CACNA1B: variants seen among roughly 807,000 people sequenced by gnomAD.
CACNA1B encodes the protein calcium voltage-gated channel subunit alpha1 B, also known as voltage-dependent N-type calcium channel subunit alpha-1B.
CACNA1B carries 70 observed loss-of-function variants against 247.2 expected under a neutral mutation model. The observed-to-expected ratio is 0.28, with a 90% CI of 0.23 to 0.35. The LOEUF is 0.35. CACNA1B is among the 10% of genes least tolerant of loss of function. The probability of loss-of-function intolerance (pLI) is 1.00; values close to 1 mark genes in which losing one functional copy is unlikely to be tolerated. For missense variants in CACNA1B, 2,367 were observed against 3,197.4 expected (o/e 0.74, Z 6.26); for synonymous variants, 1,231 against 1,294.4 (o/e 0.95, Z 1.05).
intron 18 of CACNA1B, among the ~76,000 whole-genome samples, chr9:138,017,784 C>T (rs2133430318): frequency 6.6e-6 from 1 of 152,354 alleles, no homozygotes; most frequent in African/African-American, 2.4e-5. Flanking sequence ...GAGTGACTGG[C>T]TGGCATCCCC....
intron 42 of CACNA1B, among the ~76,000 whole-genome samples, chr9:138,116,703 T>C (rs952867518): frequency 3.3e-5 from 5 of 152,238 alleles, no homozygotes; most frequent in Non-Finnish European, 7.3e-5. Context: ...AGGGTATTTA[T>C]TGAGCCATTT....
chr9:138,015,087 C>T lies in CACNA1B; in HGVS notation c.2267+1852C>T, dbSNP rs147900363. On this transcript the variant is annotated intron_variant, in intron 18 of 46. Transcript: ENST00000371372. Reference sequence around the variant, plus strand: ...GGGGACCCCTAGGTGTTCTGCCTCACGGTGGGTCTGGAGCCAGGTGTCAGC... The same window carrying T: ...GGGGACCCCTAGGTGTTCTGCCTCATGGTGGGTCTGGAGCCAGGTGTCAGC... Among the ~76,000 whole-genome samples, 4 of 152,246 alleles carry T rather than the reference C, an allele frequency of 2.6e-5. No individual in the cohort carries two copies. The East Asian group carries it at 5.8e-4, about 22-fold the overall frequency.
intron 10 of CACNA1B, among the ~76,000 whole-genome samples, chr9:137,963,524 A>G (rs1958042576): frequency 1.3e-5 from 2 of 152,066 alleles, no homozygotes; most frequent in African/African-American, 2.4e-5. Context: ...CCTTCCAAGT[A>G]TCTCTGGGAC....
chr9:137,984,622 C>CCCA (rs1229406907), intron 13 of CACNA1B, among the ~76,000 whole-genome samples: 1 of 152,146 alleles, frequency 6.6e-6, no homozygotes, highest in Non-Finnish European at 1.5e-5. Flanking sequence ...TCATCCAGCC[C>CCCA]CCAAGTCTGC....
Position 138,124,491 on chromosome 9 carries a change from A to C in CACNA1B, c.*2492A>C, listed in dbSNP as rs1962198354. The stretch of plus-strand genomic sequence containing the variant: ...TACTTAAAAAGAAATTCTGTGATTG[A>C]CTAGTTTGCTGCCTGAGTCATATTT... On this transcript the variant is annotated 3_prime_UTR_variant, in exon 47 of 47. Coordinates refer to ENST00000371372, the MANE Select transcript of CACNA1B (RefSeq NM_000718.4). 6.6e-6 allele frequency: 1 copy of C among 151,632 alleles called. No homozygotes were observed. Among genetic ancestry groups the C allele is most frequent in the African/African-American group, 2.4e-5 (1 of 41,272 alleles). 9.4% of individuals were successfully genotyped at this position (151,632 alleles called of 1,614,324 possible).
rs201354531 is a variant in CACNA1B at position 138,121,480 on chromosome 9, C to T, written c.6501C>T (p.Ser2167=). Residue 2167 remains serine (S), a synonymous_variant, in exon 47 of 47, where the codon TCC becomes TCT. Coordinates refer to ENST00000371372, the MANE Select transcript of CACNA1B (RefSeq NM_000718.4). This position sits in a 1 kb window ranked among gnomAD's most constrained non-coding sequence, Gnocchi z 6.8. ...EPGPHPQGSG[S]VNGSPLLSTS... ...CCATTTTCATGTAGGGCAGTGGTTC[C>T]GTGAATGGGAGCCCCTTGCTGTCAA... 3.8e-5 allele frequency: 57 copies of T among 1,518,176 alleles called. No homozygotes were observed. The highest frequency in any genetic ancestry group is 2.4e-4 in the African/African-American group (17 of 71,602). The allele number at this position is 1,518,176 out of a possible 1,614,324, so 94.0% of individuals were successfully genotyped here.
chr9:138,032,734 G>A, intron 20 of CACNA1B: 1 of 452,746 alleles, frequency 2.2e-6, no homozygotes, highest in South Asian at 1.6e-5. Context: ...TTTCTGATGA[G>A]AAATCCACTG....
chr9:137,958,761 C>T (rs1383223021), intron 10 of CACNA1B, among the ~76,000 whole-genome samples: 1 of 152,126 alleles, frequency 6.6e-6, no homozygotes, highest in Non-Finnish European at 1.5e-5. Flanking sequence ...ACAGTACAGG[C>T]CAACCTTCGC....
intron 6 of CACNA1B, among the ~76,000 whole-genome samples, chr9:137,934,297 C>T (rs1957639780): frequency 6.6e-6 from 1 of 152,198 alleles, no homozygotes; most frequent in Non-Finnish European, 1.5e-5. Flanking sequence ...ACTTTGACCA[C>T]AGAAGGCTTG....
At chr9:137,918,349 C>G (rs1170478410) in intron 6 of CACNA1B, among the ~76,000 whole-genome samples, 2 of 152,128 alleles carry the variant, frequency 1.3e-5, no homozygotes, top group Non-Finnish European at 2.9e-5. Context: ...TGTCTGTCCC[C>G]TCTGTGAGTC....
At chr9:138,013,420 A>G (rs904586798) in intron 18 of CACNA1B, among the ~76,000 whole-genome samples, 185 bp downstream of exon 18, 14 of 152,116 alleles carry the variant, frequency 9.2e-5, no homozygotes, top group Non-Finnish European at 2.1e-4. Flanking sequence ...TTTTCTCAGT[A>G]TGAGCAGGGC....
chr9:138,004,861 A>T (rs143862746), intron 15 of CACNA1B, among the ~76,000 whole-genome samples: 3 of 152,206 alleles, frequency 2.0e-5, no homozygotes, highest in Non-Finnish European at 2.9e-5. Flanking sequence ...AGACATACAA[A>T]TGGCCAACAG....
rs146996665 is a variant in CACNA1B, at chr9:138,040,481, CATATAT to C, written c.3287-3283_3287-3278del. 118 of 210,328 alleles carry C rather than the reference CATATAT, an allele frequency of 5.6e-4. 1 individual carries two copies. The highest frequency in any genetic ancestry group is 2.6e-3 in the African/African-American group (104 of 40,722). 13.0% of individuals were successfully genotyped at this position (210,328 alleles called of 1,614,324 possible). On this transcript the variant is annotated intron_variant, in intron 20 of 46. Coordinates refer to ENST00000371372, the MANE Select transcript of CACNA1B (RefSeq NM_000718.4). ...ATATATATATGTATCTCCTATATAT[CATATAT>C]ATATATATAAATGATATATGTATGG...
chr9:137,960,709 C>T (rs1053217860), intron 10 of CACNA1B, among the ~76,000 whole-genome samples: 1 of 152,018 alleles, frequency 6.6e-6, no homozygotes, highest in East Asian at 1.9e-4. Flanking sequence ...CGGTAGCGGT[C>T]GAGGAAACCT....
rs115476650 is a variant in CACNA1B at position 137,956,893 on chromosome 9, G to A, written c.1243+66G>A. 6,324 of 1,313,178 alleles carry A rather than the reference G, an allele frequency of 4.8e-3. 107 individuals are homozygous for A. The African/African-American group carries it at 0.051, about 11-fold the overall frequency. 81.3% of individuals were successfully genotyped at this position (1,313,178 alleles called of 1,614,324 possible). A position where few individuals can be genotyped will look rare whatever the true frequency, so the allele number is the denominator to read the frequency against. ...CTGGTGGCCACGTGGGTGGTGACACGTGCCTGCTTGCATGTTTCACGCGAA... is the reference window on the plus strand; with the variant it reads ...CTGGTGGCCACGTGGGTGGTGACACATGCCTGCTTGCATGTTTCACGCGAA... On this transcript the variant is annotated intron_variant, in intron 9 of 46. Coordinates refer to ENST00000371372, the MANE Select transcript of CACNA1B (RefSeq NM_000718.4).
At chr9:137,921,528 A>G (rs1368684494) in intron 6 of CACNA1B, among the ~76,000 whole-genome samples, 1 of 144,274 alleles carries the variant, frequency 6.9e-6, no homozygotes, top group Non-Finnish European at 1.5e-5. Context: ...GGAGAACACC[A>G]TCAGCACCGT....
At position 137,952,569 on chromosome 9, in the gene CACNA1B, G is replaced by A. The variant is rs927623633; in HGVS notation, c.1070+192G>A. On this transcript the variant is annotated intron_variant, in intron 7 of 46. Transcript: ENST00000371372. The surrounding 1 kb of genome is among the most constrained non-coding windows in gnomAD (Gnocchi z 4.8). ...CTGACCTGTCCTTGATCAGCCTCTCGGCCCCTTATCCCTGTCATACCCCTG... is the reference window on the plus strand; with the variant it reads ...CTGACCTGTCCTTGATCAGCCTCTCAGCCCCTTATCCCTGTCATACCCCTG... 7.2e-5 allele frequency among the ~76,000 whole-genome samples: 11 copies of A among 152,088 alleles called. No homozygotes were observed. Among genetic ancestry groups the A allele is most frequent in the Non-Finnish European group, 1.2e-4 (8 of 68,026 alleles).
chr9:138,112,162 G>C (rs1341511565), intron 39 of CACNA1B, among the ~76,000 whole-genome samples: 1 of 146,602 alleles, frequency 6.8e-6, no homozygotes, highest in Non-Finnish European at 1.5e-5. Context: ...GTGCACATGA[G>C]GTGGTTGCCC....
chr9:137,891,867 A>AC lies in CACNA1B; in HGVS notation c.530+8990dup, dbSNP rs34410314. The AC allele has an allele frequency of 2.8e-6, 1 of 359,798 alleles. No homozygotes were observed. Among genetic ancestry groups the AC allele is most frequent in the Non-Finnish European group, 5.5e-6 (1 of 181,306 alleles). The allele number at this position is 359,798 out of a possible 1,614,324, so 22.3% of individuals were successfully genotyped here. On this transcript the variant is annotated intron_variant, in intron 3 of 46. Transcript: ENST00000371372. This position sits in a 1 kb window ranked among gnomAD's most constrained non-coding sequence, Gnocchi z 4.3. The stretch of plus-strand genomic sequence containing the variant: ...CATTCCTAGCAGGTCACATGGTAGC[A>AC]CCCCCCACCCAGTCCCTGCCCTCTT...
Sources: allele counts gnomAD v4.1 joint callset (sites outside exome capture counted in the v4.1 genomes callset), GRCh38; gene constraint gnomAD v4.1.1; non-coding constraint Gnocchi (gnomAD v3.1); transcripts MANE v1.5; gene names NCBI Gene and HGNC (gene_info 2026-07-23, HGNC 2026-07-21).